The following DCHS2 variants were observed in gnomAD, a reference collection of about 807,000 sequenced individuals.
DCHS2 encodes dachsous cadherin-related 2.
DCHS2 carries 142 observed loss-of-function variants against 182.4 expected under a neutral mutation model. The ratio of observed to expected loss-of-function variants is 0.78; its 90% CI spans 0.68 to 0.89. DCHS2 has a LOEUF of 0.89. DCHS2 is among the 40% of genes least tolerant of loss of function. DCHS2 has a pLI of 0.00. For missense variants in DCHS2, 4,319 were observed against 4,198.6 expected, an observed-to-expected ratio of 1.03 and a Z score of -0.79; for synonymous variants, 1,740 against 1,663.3, an observed-to-expected ratio of 1.05 and a Z score of -1.12.
At chr4:154,305,259 G>A (rs755578311) in intron 10 of DCHS2, 28 bp from the exon 11 acceptor site, 1 of 1,595,078 alleles carries the variant, frequency 6.3e-7, no homozygotes, top group African/African-American at 1.4e-5. Flanking sequence ...GAAAAACTTA[G>A]CAATCATTTC....
At chr4:154,486,294 G>A in intron 1 of DCHS2, 1 of 843,478 alleles carries the variant, frequency 1.2e-6, no homozygotes, top group Middle Eastern at 2.8e-4. Context: ...CACTCGGAGA[G>A]GGGAGGGTGG....
intron 1 of DCHS2, among the ~76,000 whole-genome samples, chr4:154,383,447 T>C (rs1731261676): frequency 6.6e-6 from 1 of 152,140 alleles, no homozygotes; most frequent in African/African-American, 2.4e-5. Flanking sequence ...AATCTGCACA[T>C]GTACCCCTTG....
At chr4:154,477,368 G>A (rs578026469) in intron 1 of DCHS2, among the ~76,000 whole-genome samples, 2 of 152,264 alleles carry the variant, frequency 1.3e-5, no homozygotes, top group African/African-American at 4.8e-5. Flanking sequence ...TGAGGATTAG[G>A]ACTTCAATGT....
At chr4:154,449,395 G>A (rs901679277) in intron 1 of DCHS2, among the ~76,000 whole-genome samples, 2 of 147,132 alleles carry the variant, frequency 1.4e-5, no homozygotes, top group African/African-American at 5.0e-5. Context: ...TTTTTTTTTA[G>A]ACAGTGTTCC....
intron 10 of DCHS2, among the ~76,000 whole-genome samples, chr4:154,311,527 G>A (rs956718918): frequency 2.0e-5 from 3 of 152,120 alleles, no homozygotes; most frequent in African/African-American, 4.8e-5. Context: ...GAGCCACCGT[G>A]CCCAGCCAAG....
At chr4:154,441,034 A>C (rs976740777) in intron 1 of DCHS2, among the ~76,000 whole-genome samples, 5 of 152,320 alleles carry the variant, frequency 3.3e-5, no homozygotes, top group Admixed American at 1.3e-4. Flanking sequence ...ATTTTAGAAA[A>C]ATGACTCAAA....
At chr4:154,330,285 C>T (rs1333973700) in intron 5 of DCHS2, among the ~76,000 whole-genome samples, 1 of 152,220 alleles carries the variant, frequency 6.6e-6, no homozygotes, top group Non-Finnish European at 1.5e-5. Context: ...ATCCCTTAGG[C>T]AATAGTTCTT....
chr4:154,319,459 TA>T (rs1002147320), intron 9 of DCHS2, among the ~76,000 whole-genome samples: 2 of 151,364 alleles, frequency 1.3e-5, no homozygotes, highest in Admixed American at 1.3e-4. Flanking sequence ...AGAATATATA[TA>T]AAAAAACTCC....
intron 16 of DCHS2, among the ~76,000 whole-genome samples, chr4:154,249,198 G>A (rs1732228190): frequency 6.6e-6 from 1 of 152,112 alleles, no homozygotes; most frequent in South Asian, 2.1e-4. Context: ...TCTGGCAAAG[G>A]TCTAATATCC....
intron 1 of DCHS2, among the ~76,000 whole-genome samples, chr4:154,409,921 C>T (rs145620226): frequency 2.6e-5 from 4 of 152,340 alleles, no homozygotes; most frequent in African/African-American, 9.6e-5. Flanking sequence ...TTGATTGCAG[C>T]TGAAGAACCT....
At chr4:154,295,794 A>T (rs924258808) in intron 13 of DCHS2, among the ~76,000 whole-genome samples, 5 of 152,176 alleles carry the variant, frequency 3.3e-5, no homozygotes, top group Non-Finnish European at 5.9e-5. Flanking sequence ...AGGCCGACCC[A>T]CTCAACTACA....
Position 154,305,139 on chromosome 4 carries a change from TG to T in DCHS2, c.5352del (p.Thr1785ProfsTer16), listed in dbSNP as rs1181754846. 6.2e-7 allele frequency: 1 copy of T among 1,612,740 alleles called. No homozygotes were observed. The highest frequency in any genetic ancestry group is 8.5e-7 in the Non-Finnish European group (1 of 1,179,550). On this transcript the variant is annotated frameshift_variant, in exon 11 of 20. Coordinates refer to ENST00000357232, the MANE Select transcript of DCHS2 (RefSeq NM_001358235.2). LOFTEE classifies it high-confidence loss of function. ...TCTTGAATTTCTCTGTCAAGTATGGTGGTTGTCACTACCTCTCCAGTGTCAG... is the reference window on the plus strand; with the variant it reads ...TCTTGAATTTCTCTGTCAAGTATGGTGTTGTCACTACCTCTCCAGTGTCAG... ...INSDTGEVVT[T>X]TILDREIQEV...
At chr4:154,286,596 C>T (rs897321358) in intron 13 of DCHS2, among the ~76,000 whole-genome samples, 1 of 151,650 alleles carries the variant, frequency 6.6e-6, no homozygotes, top group Non-Finnish European at 1.5e-5. Flanking sequence ...CTCTAAGCAA[C>T]AGAACAGATC....
At chr4:154,324,650 G>A (rs1357026498) in intron 7 of DCHS2, among the ~76,000 whole-genome samples, 2 of 152,168 alleles carry the variant, frequency 1.3e-5, no homozygotes, top group Admixed American at 6.5e-5. Flanking sequence ...GTCTTGAGTA[G>A]AAGCTCCCCT....
chr4:154,490,882 G>T lies in DCHS2; in HGVS notation c.474C>A (p.Asn158Lys), dbSNP rs750326536. ...GAVVQVEIRV[N>K]DVNDHSPRFP... ...AGCGGGGCGAGTGGTCATTCACGTC[G>T]TTGACGCGAATCTCCACCTGCACCA... The change falls in exon 1 of 20, where the codon AAC becomes AAA. Residue 158 changes from asparagine (N) to lysine (K), a missense_variant. Coordinates refer to ENST00000357232, the MANE Select transcript of DCHS2 (RefSeq NM_001358235.2). The T allele has an allele frequency of 1.0e-5, 16 of 1,551,346 alleles. No homozygotes were observed. In the South Asian group the frequency reaches 1.8e-4, roughly 17 times the overall value.
chr4:154,434,400 T>C (rs559458180), intron 1 of DCHS2, among the ~76,000 whole-genome samples: 5 of 152,130 alleles, frequency 3.3e-5, no homozygotes, highest in African/African-American at 1.2e-4. Flanking sequence ...ATAGTTTGGG[T>C]GAGAGAGTGA....
intron 14 of DCHS2, among the ~76,000 whole-genome samples, chr4:154,265,724 GA>G (rs976004138): frequency 6.6e-6 from 1 of 151,550 alleles, no homozygotes; most frequent in African/African-American, 2.4e-5. Flanking sequence ...GCTCAATTTA[GA>G]TATTCTGCAA....
intron 4 of DCHS2, 86 bp downstream of exon 4, chr4:154,334,782 A>C: frequency 1.8e-6 from 2 of 1,123,590 alleles, no homozygotes; most frequent in Non-Finnish European, 2.6e-6. Context: ...AAGAAGAAAA[A>C]AATTATTCAA....
chr4:154,271,272 A>C (rs4073438), intron 13 of DCHS2, among the ~76,000 whole-genome samples: 8,892 of 152,234 alleles, frequency 0.058, 519 homozygotes, highest in Admixed American at 0.18. Flanking sequence ...AGAATCAGCT[A>C]ATTTTTCTGT....
Sources: allele counts gnomAD v4.1 joint callset (sites outside exome capture counted in the v4.1 genomes callset), GRCh38; gene constraint gnomAD v4.1.1; transcripts MANE v1.5; gene names NCBI Gene and HGNC (gene_info 2026-07-23, HGNC 2026-07-21).